The following PACS1 variants were observed in gnomAD, a reference collection of about 807,000 sequenced individuals.
The protein encoded by PACS1 is phosphofurin acidic cluster sorting protein 1, also known as PACS-1.
A neutral mutation model predicts 115.0 loss-of-function variants in PACS1; 24 were observed. The observed-to-expected ratio is 0.21, with a 90% CI of 0.15 to 0.29. The LOEUF (loss-of-function observed/expected upper bound fraction) is 0.29, where lower values mean the gene tolerates loss of function less well. Among genes scored for constraint, PACS1 ranks in the 10% least tolerant of loss-of-function variants. The probability of loss-of-function intolerance (pLI) is 1.00; values close to 1 mark genes in which losing one functional copy is unlikely to be tolerated. For synonymous variants in PACS1, 453 were observed against 504.5 expected, an observed-to-expected ratio of 0.90 and a Z score of 1.37; for missense variants, 838 against 1,251.2, an observed-to-expected ratio of 0.67 and a Z score of 4.98.
chr11:66,094,896 A>G (rs1176855906), intron 1 of PACS1, among the ~76,000 whole-genome samples: 2 of 151,296 alleles, frequency 1.3e-5, no homozygotes, highest in African/African-American at 2.4e-5. Context: ...TTCAATATAC[A>G]CAAATCAATA....
chr11:66,237,810 C>T (rs1208103051), intron 19 of PACS1, among the ~76,000 whole-genome samples: 1 of 152,226 alleles, frequency 6.6e-6, no homozygotes, highest in Non-Finnish European at 1.5e-5. Context: ...GGAGTTGTAT[C>T]CAGGAAGCCC....
intron 1 of PACS1, among the ~76,000 whole-genome samples, chr11:66,158,357 G>T (rs1859407822): frequency 1.3e-5 from 2 of 152,224 alleles, no homozygotes; most frequent in African/African-American, 4.8e-5. Context: ...ATTCAAGAAT[G>T]TTCTTGAGAA....
intron 10 of PACS1, among the ~76,000 whole-genome samples, chr11:66,224,486 G>C (rs1026172367): frequency 1.3e-5 from 2 of 152,234 alleles, no homozygotes; most frequent in Non-Finnish European, 2.9e-5. Context: ...ACTGCACACA[G>C]AGCACTGCTC....
chr11:66,201,282 A>T (rs938091170), intron 2 of PACS1, among the ~76,000 whole-genome samples: 8 of 152,206 alleles, frequency 5.3e-5, no homozygotes, highest in African/African-American at 1.7e-4. Flanking sequence ...TAAAACTAGA[A>T]ATCAATAGCA....
intron 1 of PACS1, among the ~76,000 whole-genome samples, chr11:66,099,476 G>A (rs1283560474): frequency 2.0e-5 from 3 of 151,942 alleles, no homozygotes; most frequent in South Asian, 2.1e-4. Flanking sequence ...CACCCTCCTC[G>A]GCCTCCCAAA....
intron 2 of PACS1, among the ~76,000 whole-genome samples, chr11:66,200,950 G>A (rs1854776953): frequency 1.3e-5 from 2 of 152,042 alleles, no homozygotes; most frequent in South Asian, 2.1e-4. Context: ...GCCAGGTGTG[G>A]TGACTCACGC....
chr11:66,118,769 C>CAAAAAAAAAAAAAAAAA (rs397945291), intron 1 of PACS1, among the ~76,000 whole-genome samples: 8 of 83,608 alleles, frequency 9.6e-5, no homozygotes, highest in East Asian at 6.8e-4. Context: ...CCCATGTCTA[C>CAAAAAAAAAAAAAAAAA]AAAAAAAAAA....
chr11:66,164,621 T>G (rs183253844), intron 1 of PACS1, among the ~76,000 whole-genome samples: 230 of 97,876 alleles, frequency 2.3e-3, no homozygotes, highest in Middle Eastern at 0.013. Flanking sequence ...ATATATGTAT[T>G]TTTTTTTTGT....
chr11:66,090,956 A>G (rs1455405824), intron 1 of PACS1, among the ~76,000 whole-genome samples: 1 of 152,198 alleles, frequency 6.6e-6, no homozygotes, highest in Non-Finnish European at 1.5e-5. Flanking sequence ...CAATTTTAAT[A>G]TGGAATATGC....
At chr11:66,193,250 G>A (rs919651635) in intron 1 of PACS1, among the ~76,000 whole-genome samples, 3 of 152,168 alleles carry the variant, frequency 2.0e-5, no homozygotes, top group African/African-American at 4.8e-5. Context: ...AGGCCAAGAC[G>A]GGGAGGATCC....
chr11:66,205,961 G>A (rs1320418142), intron 2 of PACS1, among the ~76,000 whole-genome samples: 5 of 152,160 alleles, frequency 3.3e-5, no homozygotes, highest in South Asian at 2.1e-4. Context: ...CAGCCTGGGC[G>A]ACATGGTCAA....
In PACS1 at chr11:66,158,150, G is replaced by A. The variant is rs141457320; in HGVS notation, c.357-35336G>A. On this transcript the variant is annotated intron_variant, in intron 1 of 23. Coordinates refer to ENST00000320580, the MANE Select transcript of PACS1 (RefSeq NM_018026.4). ...CTTGGCTAATTTTTTTGTATTTTTT[G>A]TAGAGACAAGGTTTTGCCATGTTGC... 6.6e-5 allele frequency among the ~76,000 whole-genome samples: 10 copies of A among 152,214 alleles called. No homozygotes were observed. The South Asian group carries it at 1.2e-3, about 19-fold the overall frequency.
At chr11:66,129,252 T>C (rs1244645136) in intron 1 of PACS1, among the ~76,000 whole-genome samples, 1 of 151,242 alleles carries the variant, frequency 6.6e-6, no homozygotes, top group Non-Finnish European at 1.5e-5. Flanking sequence ...ACCAAGATGG[T>C]GAAACCCTGT....
intron 2 of PACS1, among the ~76,000 whole-genome samples, chr11:66,201,414 C>T (rs1004408345): frequency 2.6e-5 from 4 of 151,720 alleles, no homozygotes; most frequent in African/African-American, 4.8e-5. Context: ...ATAATGGAAA[C>T]ACAACATATC....
chr11:66,232,999 G>A lies in PACS1; in HGVS notation c.1771G>A (p.Val591Met), dbSNP rs556285535. The change falls in exon 15 of 24, where the codon GTG (valine) becomes ATG (methionine). Residue 591 changes from valine to methionine, a missense_variant. Transcript: ENST00000320580. ...ELLQDQRKPV[V>M]CTCSTVEVQA... The stretch of plus-strand genomic sequence containing the variant: ...GCTCCAGGACCAGCGGAAGCCTGTG[G>A]TGTGCACCTGCTCCACCGTGGAGGT... 3 of 1,612,814 alleles carry A rather than the reference G, an allele frequency of 1.9e-6. No individual in the cohort carries two copies. The highest frequency in any genetic ancestry group is 2.7e-5 in the African/African-American group (2 of 75,040).
At chr11:66,098,154 G>A (rs927874210) in intron 1 of PACS1, among the ~76,000 whole-genome samples, 2 of 152,198 alleles carry the variant, frequency 1.3e-5, no homozygotes, top group African/African-American at 4.8e-5. Context: ...TCCAGCTTGG[G>A]CTACAGAGTG....
At chr11:66,083,041 C>T (rs754661056) in intron 1 of PACS1, among the ~76,000 whole-genome samples, 3 of 151,982 alleles carry the variant, frequency 2.0e-5, no homozygotes, top group Non-Finnish European at 2.9e-5. Context: ...AAATCACAGG[C>T]GATGGAATGG....
intron 8 of PACS1, 130 bp from the exon 9 acceptor site, chr11:66,220,501 C>A: frequency 1.2e-6 from 1 of 839,714 alleles, no homozygotes. Flanking sequence ...AAGGTTACTC[C>A]AGCCAGTGTG....
chr11:66,100,564 G>A (rs1857893792), intron 1 of PACS1, among the ~76,000 whole-genome samples: 1 of 152,178 alleles, frequency 6.6e-6, no homozygotes, highest in Non-Finnish European at 1.5e-5. Context: ...AGTAGTATTT[G>A]TTCCATTATC....
Sources: allele counts gnomAD v4.1 joint callset (sites outside exome capture counted in the v4.1 genomes callset), GRCh38; gene constraint gnomAD v4.1.1; transcripts MANE v1.5; gene names NCBI Gene and HGNC (gene_info 2026-07-23, HGNC 2026-07-21).